The following FAT1 variants were observed in gnomAD, a reference collection of about 807,000 sequenced individuals.
FAT1 encodes protocadherin Fat 1.
Under a neutral mutation model 329.8 loss-of-function variants are expected in FAT1, and 171 were observed. The observed-to-expected ratio is 0.52, with a 90% CI of 0.46 to 0.59. FAT1 has a LOEUF of 0.59. FAT1 is among the 20% of genes least tolerant of loss of function. The pLI is 0.00. For missense variants in FAT1, 5,672 were observed against 5,774.4 expected, an observed-to-expected ratio of 0.98 and a Z score of 0.57; for synonymous variants, 2,233 against 2,228.6, an observed-to-expected ratio of 1.00 and a Z score of -0.06.
intron 2 of FAT1, among the ~76,000 whole-genome samples, chr4:186,692,667 C>T (rs1304457885): frequency 6.6e-6 from 1 of 152,006 alleles, no homozygotes; most frequent in Non-Finnish European, 1.5e-5. Flanking sequence ...CTAAAGATAC[C>T]AAATCAACAC....
At chr4:186,602,643 A>G (rs1738869545) in intron 20 of FAT1, among the ~76,000 whole-genome samples, 1 of 152,212 alleles carries the variant, frequency 6.6e-6, no homozygotes, top group South Asian at 2.1e-4. Context: ...AAACTGCTAC[A>G]TAATGGCACT....
In FAT1 at chr4:186,609,785, G is replaced by A. The variant is rs1291169288; in HGVS notation, c.10068+16C>T. 5 of 1,572,570 alleles carry A rather than the reference G, an allele frequency of 3.2e-6. No individual in the cohort carries two copies. The highest frequency in any genetic ancestry group is 1.3e-5 in the African/African-American group (1 of 74,168). On this transcript the variant is annotated intron_variant, in intron 15 of 26. Coordinates refer to ENST00000441802, the MANE Select transcript of FAT1 (RefSeq NM_005245.4). The stretch of plus-strand genomic sequence containing the variant: ...AAGATACACAGTTTTCACTGTAATG[G>A]GGAAAAAATACACACCGTGATGACA...
intron 1 of FAT1, among the ~76,000 whole-genome samples, chr4:186,710,758 A>T (rs2126708421): frequency 6.6e-6 from 1 of 152,318 alleles, no homozygotes; most frequent in East Asian, 1.9e-4. Flanking sequence ...ACACACACAC[A>T]AAAGCTAAAT....
At chr4:186,710,654 C>T (rs1744905591) in intron 1 of FAT1, among the ~76,000 whole-genome samples, 1 of 152,184 alleles carries the variant, frequency 6.6e-6, no homozygotes, top group African/African-American at 2.4e-5. Context: ...TGTTTTATCA[C>T]CACTGCTGTC....
chr4:186,601,057 TCA>T (rs1738789629), intron 21 of FAT1, among the ~76,000 whole-genome samples: 1 of 152,188 alleles, frequency 6.6e-6, no homozygotes, highest in Non-Finnish European at 1.5e-5. Context: ...ATGTTAACTG[TCA>T]CATGGACCTA....
chr4:186,599,153 GCA>G (rs1360977192), intron 22 of FAT1, among the ~76,000 whole-genome samples: 1 of 152,174 alleles, frequency 6.6e-6, no homozygotes, highest in Non-Finnish European at 1.5e-5. Context: ...ACTAATATGA[GCA>G]CAGTATAAAT....
intron 2 of FAT1, among the ~76,000 whole-genome samples, chr4:186,700,813 A>G (rs1744271976): frequency 6.6e-6 from 1 of 152,184 alleles, no homozygotes; most frequent in Non-Finnish European, 1.5e-5. Flanking sequence ...GCACACACAG[A>G]ATGCCGGGCC....
rs369044055 is a variant in FAT1 at position 186,620,793 on chromosome 4, G to A, written c.5793C>T (p.Tyr1931=). 3.1e-5 allele frequency: 50 copies of A among 1,613,930 alleles called. No individual in the cohort carries two copies. The highest frequency in any genetic ancestry group is 4.1e-5 in the Non-Finnish European group (48 of 1,179,910). The stretch of plus-strand genomic sequence containing the variant: ...TTTGGACAGTGAGAGCACCAGTCTT[G>A]TAGTCCATAGAAAACTTCTCCCCGA... ...GNIGEKFSMD[Y]KTGALTVQNT... Residue 1931 remains tyrosine, a synonymous_variant, in exon 10 of 27, where the codon TAC becomes TAT. Coordinates refer to ENST00000441802, the MANE Select transcript of FAT1 (RefSeq NM_005245.4).
intron 2 of FAT1, among the ~76,000 whole-genome samples, chr4:186,687,402 A>T (rs959639460): frequency 2.7e-5 from 4 of 150,332 alleles, no homozygotes; most frequent in Non-Finnish European, 4.5e-5. Context: ...ACAAACAAAA[A>T]AAAAGAACAG....
At chr4:186,589,679 T>C (rs1376553403) in intron 26 of FAT1, among the ~76,000 whole-genome samples, 3 of 152,112 alleles carry the variant, frequency 2.0e-5, no homozygotes, top group Non-Finnish European at 2.9e-5. Flanking sequence ...TACTGATTAA[T>C]GCAACTTAAA....
At chr4:186,652,367 A>C (rs1376558670) in intron 3 of FAT1, among the ~76,000 whole-genome samples, 3 of 152,214 alleles carry the variant, frequency 2.0e-5, no homozygotes, top group Non-Finnish European at 4.4e-5. Flanking sequence ...ATTTTAGCAA[A>C]TAATATTCAG....
At chr4:186,726,103 A>G (rs1204553550), upstream of FAT1, among the ~76,000 whole-genome samples, 1 of 152,232 alleles carries the variant, frequency 6.6e-6, no homozygotes, top group Non-Finnish European at 1.5e-5. Flanking sequence ...AAAATAATGC[A>G]CAAACAGCAT....
intron 2 of FAT1, among the ~76,000 whole-genome samples, chr4:186,680,809 C>T (rs1261988955): frequency 6.6e-6 from 1 of 152,190 alleles, no homozygotes; most frequent in African/African-American, 2.4e-5. Flanking sequence ...AAATCTCAGT[C>T]TACGTTCGAG....
intron 2 of FAT1, among the ~76,000 whole-genome samples, chr4:186,679,409 T>A (rs1326874167): frequency 1.9e-5 from 2 of 103,700 alleles, no homozygotes; most frequent in Non-Finnish European, 1.7e-5. Flanking sequence ...AGAGTGAGAC[T>A]CTGTCTCAAA....
At chr4:186,595,933 T>A in intron 25 of FAT1, 107 bp from the exon 26 acceptor site, 1 of 1,171,668 alleles carries the variant, frequency 8.5e-7, no homozygotes, top group Non-Finnish European at 1.2e-6. Flanking sequence ...TGAGATTTAC[T>A]CAATAAATGA....
intron 4 of FAT1, among the ~76,000 whole-genome samples, chr4:186,638,686 G>A (rs992309495): frequency 2.6e-5 from 4 of 151,576 alleles, no homozygotes; most frequent in African/African-American, 4.9e-5. Context: ...TACTGACAAC[G>A]TTAAGAAAAT....
At chr4:186,625,273 T>A (rs1740246269) in intron 9 of FAT1, among the ~76,000 whole-genome samples, 1 of 152,200 alleles carries the variant, frequency 6.6e-6, no homozygotes, top group South Asian at 2.1e-4. Flanking sequence ...TTTTTCTAAC[T>A]GCAAATTTCT....
In FAT1 at chr4:186,597,708, C is replaced by T. The variant is rs1246273694; in HGVS notation, c.12342G>A (p.Gln4114=). Residue 4114 remains glutamine (Q), a synonymous_variant, in exon 24 of 27, where the codon CAG becomes CAA. Coordinates refer to ENST00000441802, the MANE Select transcript of FAT1 (RefSeq NM_005245.4). The part of the protein sequence containing the change: ...CFDSLDGAVC[Q]CDSGFRGERC... ...TTTCTCCCCTAAAACCCGAATCACA[C>T]TGACAAACGGCGCCATCCAAACTGT... 1.9e-6 allele frequency: 3 copies of T among 1,613,776 alleles called. No homozygotes were observed. The African/African-American group carries it at 4.0e-5, about 22-fold the overall frequency.
rs767715169 is a variant in FAT1 at position 186,709,063 on chromosome 4, C to T, written c.765G>A (p.Pro255=). ...VHIEQANECA[P]VITAVTLSPS... is the part of the protein sequence containing the mutation. Reference sequence around the variant, plus strand: ...GTGACAATGTCACTGCTGTTATCACCGGAGCACATTCATTGGCCTGTTCGA... The same window carrying T: ...GTGACAATGTCACTGCTGTTATCACTGGAGCACATTCATTGGCCTGTTCGA... Residue 255 remains proline, a synonymous_variant, in exon 2 of 27, where the codon CCG becomes CCA. Transcript: ENST00000441802. The T allele has an allele frequency of 3.7e-5, 59 of 1,613,938 alleles. No homozygotes were observed. The highest frequency in any genetic ancestry group is 4.2e-5 in the Non-Finnish European group (50 of 1,179,860).
Sources: allele counts gnomAD v4.1 joint callset (sites outside exome capture counted in the v4.1 genomes callset), GRCh38; gene constraint gnomAD v4.1.1; transcripts MANE v1.5; gene names NCBI Gene and HGNC (gene_info 2026-07-23, HGNC 2026-07-21).